KCNMA1: variants seen among roughly 807,000 people sequenced by gnomAD.
KCNMA1 encodes the protein Calcium-activated potassium channel subunit alpha-1.
KCNMA1 carries 29 observed loss-of-function variants against 140.0 expected under a neutral mutation model. That is an observed-to-expected ratio of 0.21 (90% confidence interval 0.15 to 0.28). The LOEUF (loss-of-function observed/expected upper bound fraction) is 0.28. Among genes scored for constraint, KCNMA1 ranks in the 10% least tolerant of loss-of-function variants. The pLI is 1.00. For missense variants in KCNMA1, 880 were observed against 1,602.2 expected (o/e 0.55, Z 7.70); for synonymous variants, 612 against 611.9 (o/e 1.00, Z 0.00).
intron 16 of KCNMA1, among the ~76,000 whole-genome samples, chr10:77,027,436 C>T (rs1275575680): frequency 6.6e-6 from 1 of 152,102 alleles, no homozygotes; most frequent in African/African-American, 2.4e-5. Context: ...CACAGCTCTA[C>T]CCCAAGGCTG....
chr10:77,435,844 G>T (rs1174040447), intron 1 of KCNMA1, among the ~76,000 whole-genome samples: 1 of 152,218 alleles, frequency 6.6e-6, no homozygotes, highest in East Asian at 1.9e-4. Flanking sequence ...AAAGCAGAGA[G>T]AGAGGAGGGA....
chr10:77,492,675 C>T (rs2040381300), intron 1 of KCNMA1, among the ~76,000 whole-genome samples: 1 of 152,192 alleles, frequency 6.6e-6, no homozygotes, highest in South Asian at 2.1e-4. Flanking sequence ...ACCTTGGAAC[C>T]ATGGACAAGT....
intron 1 of KCNMA1, among the ~76,000 whole-genome samples, chr10:77,444,793 G>A (rs1036501594): frequency 6.6e-6 from 1 of 151,988 alleles, no homozygotes. Context: ...CTTTGAAGGT[G>A]GATTCCCCCA....
chr10:77,027,773 A>T lies in KCNMA1; in HGVS notation c.1928+50T>A, dbSNP rs200226777. ...AGTGAACCGACCGTTCTCAGAACGC[A>T]CTCTCACCATCAAAAGTGTCAGCTG... On this transcript the variant is annotated intron_variant, in intron 16 of 27. Transcript: ENST00000286628. 83 of 1,439,476 alleles carry T rather than the reference A, an allele frequency of 5.8e-5. No homozygotes were observed. The East Asian group carries it at 1.9e-3, about 33-fold the overall frequency. The allele number at this position is 1,439,476 out of a possible 1,614,324, so 89.2% of individuals were successfully genotyped here.
At chr10:77,036,559 C>A (rs73290320) in intron 15 of KCNMA1, among the ~76,000 whole-genome samples, 4,148 of 152,300 alleles carry the variant, frequency 0.027, 193 homozygotes, top group African/African-American at 0.093. Context: ...AGAAACTGCT[C>A]TGAAAATCTG....
At chr10:77,451,202 T>C (rs2097649938) in intron 1 of KCNMA1, among the ~76,000 whole-genome samples, 1 of 152,178 alleles carries the variant, frequency 6.6e-6, no homozygotes, top group Non-Finnish European at 1.5e-5. Flanking sequence ...CCCTCAGCCC[T>C]GGACCCCTGA....
chr10:77,085,391 G>A (rs3781167), intron 11 of KCNMA1, among the ~76,000 whole-genome samples: 9,057 of 152,160 alleles, frequency 0.06, 381 homozygotes, highest in Non-Finnish European at 0.091. Context: ...TCCTTAGAGG[G>A]GACCATGAGT....
intron 1 of KCNMA1, among the ~76,000 whole-genome samples, chr10:77,520,469 C>T (rs1442557900): frequency 1.3e-5 from 2 of 152,014 alleles, no homozygotes; most frequent in African/African-American, 2.4e-5. Flanking sequence ...GGATAAGGCA[C>T]ACTAAAGGGC....
intron 2 of KCNMA1, among the ~76,000 whole-genome samples, chr10:77,299,258 T>G (rs1170051507): frequency 2.6e-5 from 4 of 152,218 alleles, no homozygotes; most frequent in Non-Finnish European, 5.9e-5. Context: ...CAAAACATCA[T>G]TCTAATGCCA....
intron 1 of KCNMA1, among the ~76,000 whole-genome samples, chr10:77,506,840 A>T (rs202245336): frequency 8.3e-5 from 10 of 120,946 alleles, no homozygotes; most frequent in East Asian, 7.9e-4. Flanking sequence ...AGAGAGAGAG[A>T]GTGTGTGTGT....
intron 9 of KCNMA1, chr10:77,090,816 G>A: frequency 2.2e-6 from 1 of 454,242 alleles, no homozygotes; most frequent in Middle Eastern, 6.1e-4. Flanking sequence ...CATTATGCTT[G>A]TGCTTAAATG....
At chr10:77,331,955 T>C (rs1278235772) in intron 2 of KCNMA1, among the ~76,000 whole-genome samples, 5 of 152,162 alleles carry the variant, frequency 3.3e-5, no homozygotes, top group African/African-American at 1.2e-4. Context: ...TTTTTGTCTA[T>C]AATTAATGAA....
intron 1 of KCNMA1, among the ~76,000 whole-genome samples, chr10:77,591,239 G>C (rs1045562806): frequency 6.6e-5 from 10 of 152,096 alleles, no homozygotes; most frequent in Non-Finnish European, 5.9e-5. Flanking sequence ...GGCCACGAGT[G>C]AGGCCAGGTG....
In KCNMA1 at chr10:77,283,546, C is replaced by T. The variant is rs377752678; in HGVS notation, c.541-32290G>A. ...AGGAATTCTGTGGGCCCTTCAGGCACTTGTGCTGTTGACACCCCTATGGCT... is the reference window on the plus strand; with the variant it reads ...AGGAATTCTGTGGGCCCTTCAGGCATTTGTGCTGTTGACACCCCTATGGCT... On this transcript the variant is annotated intron_variant, in intron 2 of 27. Transcript: ENST00000286628. Among the ~76,000 whole-genome samples the T allele has an allele frequency of 1.2e-3, 181 of 152,310 alleles. 2 individuals carry two copies. In the South Asian group the frequency reaches 0.037, roughly 31 times the overall value.
At chr10:77,591,214 A>C (rs935917830) in intron 1 of KCNMA1, among the ~76,000 whole-genome samples, 1 of 152,098 alleles carries the variant, frequency 6.6e-6, no homozygotes, top group African/African-American at 2.4e-5. Flanking sequence ...CTCATGTACC[A>C]AGAGGATTGG....
chr10:77,625,296 G>C (rs1473743827), intron 1 of KCNMA1, among the ~76,000 whole-genome samples: 1 of 152,070 alleles, frequency 6.6e-6, no homozygotes, highest in African/African-American at 2.4e-5. Flanking sequence ...CAGGAGAATG[G>C]CTTGAACCTG....
At chr10:77,096,342 G>C (rs571540391) in intron 9 of KCNMA1, among the ~76,000 whole-genome samples, 5 of 152,210 alleles carry the variant, frequency 3.3e-5, no homozygotes, top group African/African-American at 1.2e-4. Context: ...CTCACACAGG[G>C]CTCCAGTTCT....
rs1256702400 is a variant in KCNMA1 at position 77,001,548 on chromosome 10, C to A, written c.2125G>T (p.Ala709Ser). The part of the protein sequence containing the change: ...KMSIYKRMRR[A>S]CCFDCGRSER... ...GAACGTCCGCAATCAAAACAACATGCCCGTCTCATTCTCTTGTAGATGGAC... is the reference window on the plus strand; with the variant it reads ...GAACGTCCGCAATCAAAACAACATGACCGTCTCATTCTCTTGTAGATGGAC... Residue 709 changes from alanine to serine, a missense_variant, in exon 19 of 28, where the codon GCA (alanine) becomes TCA (serine). Ala to Ser is a moderately conservative substitution (Grantham distance 99). Around this residue, in one of 13 missense-constraint regions of KCNMA1, gnomAD observed 196 missense variants for 233.0 expected, o/e 0.84. Coordinates refer to ENST00000286628, the MANE Select transcript of KCNMA1 (RefSeq NM_001161352.2). The A allele has an allele frequency of 1.9e-6, 3 of 1,551,972 alleles. No individual in the cohort carries two copies. The East Asian group carries it at 7.3e-5, about 38-fold the overall frequency.
intron 1 of KCNMA1, among the ~76,000 whole-genome samples, chr10:77,448,951 G>A (rs906965523): frequency 6.6e-6 from 1 of 152,038 alleles, no homozygotes; most frequent in African/African-American, 2.4e-5. Context: ...GCCAGGCGTA[G>A]TGGTGCATGC....
Sources: allele counts gnomAD v4.1 joint callset (sites outside exome capture counted in the v4.1 genomes callset), GRCh38; gene constraint gnomAD v4.1.1; regional missense constraint gnomAD v4.1.1; transcripts MANE v1.5; gene names NCBI Gene and HGNC (gene_info 2026-07-23, HGNC 2026-07-21).